The following CLASP1 variants were observed in gnomAD, a reference collection of about 807,000 sequenced individuals.
CLASP1 encodes the protein cytoplasmic linker associated protein 1.
A neutral mutation model predicts 192.3 loss-of-function variants in CLASP1; 38 were observed. That is an observed-to-expected ratio of 0.20 (90% confidence interval 0.15 to 0.26). The LOEUF is 0.26. Among genes scored for constraint, CLASP1 ranks in the 10% least tolerant of loss-of-function variants. The pLI is 1.00. For missense variants in CLASP1, 1,433 were observed against 1,932.5 expected (o/e 0.74, Z 4.85); for synonymous variants, 691 against 712.8 (o/e 0.97, Z 0.49).
At chr2:121,522,098 G>A (rs933257575) in intron 6 of CLASP1, among the ~76,000 whole-genome samples, 1 of 152,198 alleles carries the variant, frequency 6.6e-6, no homozygotes, top group Non-Finnish European at 1.5e-5. Context: ...GCAGAAGGGA[G>A]ACATGGATTG....
intron 2 of CLASP1, among the ~76,000 whole-genome samples, chr2:121,571,528 G>A (rs1307037610): frequency 3.3e-5 from 5 of 152,144 alleles, no homozygotes; most frequent in African/African-American, 2.4e-5. Flanking sequence ...CAATATTATA[G>A]TTGAAACAAG....
At chr2:121,441,793 A>C (rs1461979433) in intron 19 of CLASP1, among the ~76,000 whole-genome samples, 1 of 152,164 alleles carries the variant, frequency 6.6e-6, no homozygotes, top group Non-Finnish European at 1.5e-5. Context: ...AAAGAAGCTT[A>C]ACACCCTTTT....
intron 2 of CLASP1, among the ~76,000 whole-genome samples, chr2:121,596,077 C>T (rs540743482): frequency 3.9e-5 from 6 of 152,334 alleles, no homozygotes; most frequent in East Asian, 3.9e-4. Context: ...ACTTTCAGTA[C>T]ACTTTGTTGC....
chr2:121,452,888 T>C (rs906654342), intron 14 of CLASP1, among the ~76,000 whole-genome samples: 8 of 152,212 alleles, frequency 5.3e-5, no homozygotes, highest in African/African-American at 1.9e-4. Context: ...TAGGAACCCA[T>C]TCAAGAACGC....
chr2:121,562,065 G>A (rs2059133810), intron 2 of CLASP1, among the ~76,000 whole-genome samples: 1 of 152,228 alleles, frequency 6.6e-6, no homozygotes, highest in South Asian at 2.1e-4. Flanking sequence ...ACTTCTGACT[G>A]TGGGACTAAT....
At chr2:121,387,224 G>C in exon 32 of CLASP1, 1 of 1,586,424 alleles carries the variant, frequency 6.3e-7, no homozygotes, top group Non-Finnish European at 8.5e-7. Context: ...ATTGCTTGGA[G>C]AGCCCTGGGG....
At chr2:121,463,898 GGTTA>G (rs2088748489) in intron 9 of CLASP1, among the ~76,000 whole-genome samples, 1 of 151,300 alleles carries the variant, frequency 6.6e-6, no homozygotes, top group Admixed American at 6.6e-5. Flanking sequence ...ACAATGTGCC[GGTTA>G]GTTACATATG....
intron 37 of CLASP1, among the ~76,000 whole-genome samples, chr2:121,357,169 T>G (rs535805448): frequency 6.6e-6 from 1 of 152,320 alleles, no homozygotes; most frequent in South Asian, 2.1e-4. Flanking sequence ...AAGTCGTATT[T>G]TTGACTGGTG....
chr2:121,563,170 C>A (rs543819120), intron 2 of CLASP1, among the ~76,000 whole-genome samples: 1 of 152,200 alleles, frequency 6.6e-6, no homozygotes, highest in African/African-American at 2.4e-5. Context: ...TTCTCTCTCC[C>A]TTCTCTGACC....
chr2:121,460,221 T>A, intron 11 of CLASP1, 96 bp from the exon 12 acceptor site: 1 of 1,014,130 alleles, frequency 9.9e-7, no homozygotes, highest in Non-Finnish European at 1.4e-6. Flanking sequence ...AGATCATTGT[T>A]AAAGTTCAAC....
rs1195095943 is a variant in CLASP1 at position 121,366,523 on chromosome 2, C to G, written c.3886+1065G>C. On this transcript the variant is annotated intron_variant, in intron 35 of 39. Coordinates refer to ENST00000263710, the Ensembl canonical transcript of CLASP1. ...TTCTTTGTGCCCCGACTGGATCTGGCATCTGCCTCCAGCACAGGCCTTCTC... is the reference window on the plus strand; with the variant it reads ...TTCTTTGTGCCCCGACTGGATCTGGGATCTGCCTCCAGCACAGGCCTTCTC... Among the ~76,000 whole-genome samples the G allele has an allele frequency of 2.6e-5, 4 of 152,258 alleles. No individual in the cohort carries two copies. The East Asian group carries it at 7.7e-4, about 29-fold the overall frequency.
At chr2:121,485,026 G>A (rs763142648) in intron 8 of CLASP1, among the ~76,000 whole-genome samples, 4 of 152,200 alleles carry the variant, frequency 2.6e-5, no homozygotes, top group Non-Finnish European at 5.9e-5. Context: ...AAAAAGAACA[G>A]TGTTCTGTAA....
At chr2:121,580,001 T>C (rs72971275) in intron 2 of CLASP1, among the ~76,000 whole-genome samples, 5,873 of 152,300 alleles carry the variant, frequency 0.039, 163 homozygotes, top group East Asian at 0.14. Context: ...TTTCTACAGA[T>C]TTTTATTTTT....
chr2:121,645,030 A>T (rs2072910586), intron 1 of CLASP1, among the ~76,000 whole-genome samples: 2 of 151,872 alleles, frequency 1.3e-5, no homozygotes, highest in African/African-American at 4.8e-5. Context: ...CCAGGAAAGG[A>T]CTAACCATTT....
At chr2:121,530,700 C>T in intron 2 of CLASP1, 1 of 516,844 alleles carries the variant, frequency 1.9e-6, no homozygotes, top group Non-Finnish European at 3.5e-6. Context: ...TAAAACCGAG[C>T]CGCCGCTTTT....
chr2:121,536,366 G>A (rs1575778386), intron 2 of CLASP1, among the ~76,000 whole-genome samples: 1 of 111,440 alleles, frequency 9.0e-6, no homozygotes, highest in African/African-American at 4.1e-5. Flanking sequence ...GGGCGACAGA[G>A]CAAGACTGTC....
chr2:121,570,061 T>C (rs2059850456), intron 2 of CLASP1, among the ~76,000 whole-genome samples: 1 of 152,224 alleles, frequency 6.6e-6, no homozygotes, highest in South Asian at 2.1e-4. Context: ...TTTTAGTTTC[T>C]GTGTTAAGGA....
chr2:121,443,279 G>GAAA (rs11449320), intron 19 of CLASP1, among the ~76,000 whole-genome samples: 12 of 137,220 alleles, frequency 8.7e-5, no homozygotes, highest in African/African-American at 2.9e-4. Flanking sequence ...GGAACTGGTG[G>GAAA]AAAAAAAAAA....
At chr2:121,498,123 G>A (rs1233712708) in intron 8 of CLASP1, among the ~76,000 whole-genome samples, 2 of 151,658 alleles carry the variant, frequency 1.3e-5, no homozygotes, top group Non-Finnish European at 2.9e-5. Flanking sequence ...GCCTCCCAAA[G>A]TGCTAGGATT....
Sources: gnomAD v4.1 joint callset for allele counts (sites outside exome capture counted in the v4.1 genomes callset) on GRCh38, gnomAD v4.1.1 for gene constraint, MANE v1.5 for transcripts, NCBI Gene and HGNC (gene_info 2026-07-23, HGNC 2026-07-21) for gene names.